The following DNAH7 variants were observed in gnomAD, a reference collection of about 807,000 sequenced individuals.
The protein encoded by DNAH7 is axonemal beta dynein heavy chain 7.
In DNAH7, 397 loss-of-function variants were observed where a neutral mutation model predicts 444.6. The observed-to-expected ratio is 0.89, with a 90% CI of 0.82 to 0.97. DNAH7 has a LOEUF of 0.97. Among genes scored for constraint, DNAH7 ranks in the 50% least tolerant of loss-of-function variants. The probability of loss-of-function intolerance (pLI) is 0.00; values close to 1 mark genes in which losing one functional copy is unlikely to be tolerated. For synonymous variants in DNAH7, 1,636 were observed against 1,624.4 expected, an observed-to-expected ratio of 1.01 and a Z score of -0.17; for missense variants, 4,902 against 4,800.8, an observed-to-expected ratio of 1.02 and a Z score of -0.62.
At chr2:195,776,698 A>C (rs1396819200) in intron 59 of DNAH7, among the ~76,000 whole-genome samples, 1 of 152,182 alleles carries the variant, frequency 6.6e-6, no homozygotes, top group Non-Finnish European at 1.5e-5. Flanking sequence ...CAAAAAAGTA[A>C]AAATTATTTA....
At position 195,857,533 on chromosome 2, in the gene DNAH7, T is replaced by C. The variant is rs1699781747; in HGVS notation, c.8258A>G (p.His2753Arg). ...AGGAATATTGTCCTTGTCATATTCA[T>C]GAAGTGACTGCAGAAACCTCATGTC... is the stretch of plus-strand genomic sequence containing the variant. ...LGDMRFLQSLHEYDKDNIPPA... is the reference protein window; with the variant it reads ...LGDMRFLQSLREYDKDNIPPA... Residue 2753 changes from histidine to arginine, a missense_variant, in exon 44 of 65, where the codon CAT becomes CGT. His to Arg is a conservative substitution (Grantham distance 29, BLOSUM62 0). Transcript: ENST00000312428. 6.2e-7 allele frequency: 1 copy of C among 1,614,026 alleles called. No homozygotes were observed. The highest frequency in any genetic ancestry group is 2.2e-5 in the East Asian group (1 of 44,882).
intron 16 of DNAH7, among the ~76,000 whole-genome samples, chr2:195,970,994 C>T (rs193301110): frequency 2.0e-4 from 31 of 152,212 alleles, no homozygotes; most frequent in Non-Finnish European, 3.5e-4. Flanking sequence ...TTCCAAGAGC[C>T]TATTTTACTG....
intron 5 of DNAH7, among the ~76,000 whole-genome samples, chr2:196,047,024 GTCACCCCCA>G (rs1697173279): frequency 6.6e-6 from 1 of 151,982 alleles, no homozygotes; most frequent in South Asian, 2.1e-4. Flanking sequence ...TGCCGGAAAA[GTCACCCCCA>G]TCACCTGAGC....
At position 195,872,817 on chromosome 2, in the gene DNAH7, T is replaced by C. The variant is rs1191975178; in HGVS notation, c.6414-348A>G. Among the ~76,000 whole-genome samples the C allele has an allele frequency of 2.0e-5, 3 of 152,024 alleles. No homozygotes were observed. The South Asian group carries it at 6.2e-4, about 32-fold the overall frequency. On this transcript the variant is annotated intron_variant, in intron 39 of 64. Transcript: ENST00000312428. Reference sequence around the variant, plus strand: ...ACAAGTATTTCCCGACCTCTTTCATTCCCTGGCATTCTCAACTGCATATAA... The same window carrying C: ...ACAAGTATTTCCCGACCTCTTTCATCCCCTGGCATTCTCAACTGCATATAA...
At position 195,970,103 on chromosome 2, in the gene DNAH7, A is replaced by T. The variant is rs1190157782; in HGVS notation, c.2059-9T>A. ...AACCGTTCACACCGTAACTAATAAAAACAATTTGTTGTTAATATTCTTAAA... is the reference window on the plus strand; with the variant it reads ...AACCGTTCACACCGTAACTAATAAATACAATTTGTTGTTAATATTCTTAAA... On this transcript the variant is annotated splice_polypyrimidine_tract_variant and intron_variant, in intron 16 of 64. Coordinates refer to ENST00000312428, the MANE Select transcript of DNAH7 (RefSeq NM_018897.3). 1 of 1,587,538 alleles carries T rather than the reference A, an allele frequency of 6.3e-7. No individual in the cohort carries two copies. Among genetic ancestry groups the T allele is most frequent in the East Asian group, 2.3e-5 (1 of 43,946 alleles).
rs571037258 is a variant in DNAH7, at chr2:195,807,761, T to C, written c.10083+921A>G. Among the ~76,000 whole-genome samples the C allele has an allele frequency of 2.0e-5, 3 of 152,292 alleles. No individual in the cohort carries two copies. In the South Asian group the frequency reaches 6.2e-4, roughly 32 times the overall value. Reference sequence around the variant, plus strand: ...GGAAAAGCTATGTGGTATCTCAAATTAGAAATCTTCATGCTTCAGCATAGT... The same window carrying C: ...GGAAAAGCTATGTGGTATCTCAAATCAGAAATCTTCATGCTTCAGCATAGT... On this transcript the variant is annotated intron_variant, in intron 53 of 64. Transcript: ENST00000312428.
intron 10 of DNAH7, among the ~76,000 whole-genome samples, chr2:196,009,762 T>A (rs1232010236): frequency 6.6e-6 from 1 of 152,114 alleles, no homozygotes; most frequent in Non-Finnish European, 1.5e-5. Context: ...AACTATTCAT[T>A]GTACAAAGGA....
intron 5 of DNAH7, among the ~76,000 whole-genome samples, chr2:196,031,784 T>C (rs929644986): frequency 6.6e-5 from 10 of 152,208 alleles, no homozygotes; most frequent in African/African-American, 2.4e-4. Context: ...CTGGATCTTA[T>C]TGTCCATATC....
chr2:195,993,425 A>C (rs1693480390), intron 12 of DNAH7, among the ~76,000 whole-genome samples: 2 of 152,072 alleles, frequency 1.3e-5, no homozygotes, highest in South Asian at 2.1e-4. Context: ...CAGCTAAAAA[A>C]AATACAAAAA....
At position 196,068,721 on chromosome 2, in the gene DNAH7, G is replaced by C; in HGVS notation, c.-10C>G. ...CCTGCTCACTGCTCATGGCTGCGAG[G>C]ACGCGCTGGCCTCACCGGTGCTTCT... On this transcript the variant is annotated 5_prime_UTR_variant, in exon 1 of 65. Transcript: ENST00000312428. 6.4e-7 allele frequency: 1 copy of C among 1,551,316 alleles called. No homozygotes were observed.
chr2:195,845,538 A>G (rs1043450916), intron 46 of DNAH7, among the ~76,000 whole-genome samples: 15 of 152,342 alleles, frequency 9.8e-5, no homozygotes, highest in East Asian at 5.8e-4. Context: ...TGGAACCAAT[A>G]AAGAGCCCGA....
chr2:195,836,912 T>C (rs1411147540), intron 47 of DNAH7, among the ~76,000 whole-genome samples: 3 of 152,200 alleles, frequency 2.0e-5, no homozygotes, highest in African/African-American at 7.2e-5. Flanking sequence ...TCTCCCATCT[T>C]TTCCCATTTA....
chr2:195,864,268 C>G lies in DNAH7; in HGVS notation c.7387G>C (p.Asp2463His). Residue 2463 changes from aspartate (D) to histidine (H), a missense_variant, in exon 41 of 65, where the codon GAT becomes CAT. Coordinates refer to ENST00000312428, the MANE Select transcript of DNAH7 (RefSeq NM_018897.3). ...SPIALFNMFI[D>H]HCRSQLHVVL... is the part of the protein sequence containing the mutation. ...ACATGCAGTTGGCTGCGGCAATGAT[C>G]AATAAACATGTTGAAAAGGGCTATG... 2.5e-6 allele frequency: 4 copies of G among 1,614,126 alleles called. No homozygotes were observed. The highest frequency in any genetic ancestry group is 3.4e-6 in the Non-Finnish European group (4 of 1,180,006).
chr2:195,909,235 A>G (rs1687215812), intron 25 of DNAH7, among the ~76,000 whole-genome samples: 1 of 152,188 alleles, frequency 6.6e-6, no homozygotes, highest in Admixed American at 6.5e-5. Context: ...CCTGGAACCT[A>G]AAATAAAAAT....
chr2:195,776,101 T>G, intron 59 of DNAH7, 118 bp from the exon 60 acceptor site: 2 of 1,269,860 alleles, frequency 1.6e-6, no homozygotes, highest in Non-Finnish European at 2.2e-6. Flanking sequence ...CCTGTGACAC[T>G]GGACATTGAG....
chr2:195,825,989 T>G (rs1313414651), intron 48 of DNAH7, among the ~76,000 whole-genome samples: 1 of 152,220 alleles, frequency 6.6e-6, no homozygotes, highest in Non-Finnish European at 1.5e-5. Flanking sequence ...TCTACTTGCA[T>G]AAAATGATTA....
At chr2:195,851,133 C>G (rs1699335645) in intron 46 of DNAH7, among the ~76,000 whole-genome samples, 1 of 152,254 alleles carries the variant, frequency 6.6e-6, no homozygotes, top group East Asian at 1.9e-4. Context: ...CTGGTCAGAG[C>G]CCTGATGTTT....
At chr2:196,068,647 C>G (rs759564003) in intron 1 of DNAH7, 50 bp downstream of exon 1, 54 of 1,549,528 alleles carry the variant, frequency 3.5e-5, no homozygotes, top group Non-Finnish European at 4.5e-5. Context: ...TCCGAAACGC[C>G]TGGGAAGCGT....
At chr2:195,985,257 G>A (rs1248584291) in intron 14 of DNAH7, among the ~76,000 whole-genome samples, 10 of 152,148 alleles carry the variant, frequency 6.6e-5, no homozygotes, top group Non-Finnish European at 7.4e-5. Flanking sequence ...GAAACGAATA[G>A]AACAATTCTT....
Sources: gnomAD v4.1 joint callset for allele counts (sites outside exome capture counted in the v4.1 genomes callset) on GRCh38, gnomAD v4.1.1 for gene constraint, MANE v1.5 for transcripts, NCBI Gene and HGNC (gene_info 2026-07-23, HGNC 2026-07-21) for gene names.